PRKACB: variants seen among roughly 807,000 people sequenced by gnomAD.
PRKACB encodes cAMP-dependent protein kinase catalytic subunit beta.
PRKACB carries 16 observed loss-of-function variants against 51.4 expected under a neutral mutation model. The observed-to-expected ratio is 0.31, with a 90% CI of 0.21 to 0.47. The LOEUF is 0.47. Among genes scored for constraint, PRKACB ranks in the 20% least tolerant of loss-of-function variants. PRKACB has a pLI of 1.00. For synonymous variants in PRKACB, 147 were observed against 154.4 expected (o/e 0.95, Z 0.35); for missense variants, 309 against 464.5 (o/e 0.67, Z 3.08).
chr1:84,201,195 T>C (rs993132096), intron 7 of PRKACB, among the ~76,000 whole-genome samples: 1 of 152,126 alleles, frequency 6.6e-6, no homozygotes, highest in Non-Finnish European at 1.5e-5. Context: ...TAGTGCCTAT[T>C]TCATAACACT....
At chr1:84,179,143 C>CAG in intron 1 of PRKACB, 34 bp from the exon 2 acceptor site, 1 of 1,537,564 alleles carries the variant, frequency 6.5e-7, no homozygotes, top group Non-Finnish European at 8.8e-7. Flanking sequence ...AATATTCTTA[C>CAG]AAGATAAATT....
chr1:84,119,107 G>T (rs1391472672), intron 1 of PRKACB, among the ~76,000 whole-genome samples: 1 of 152,194 alleles, frequency 6.6e-6, no homozygotes, highest in Middle Eastern at 3.4e-3. Context: ...TTCTGTGTTT[G>T]TCTCTCTGCC....
intron 1 of PRKACB, among the ~76,000 whole-genome samples, chr1:84,157,172 C>T (rs1655605064): frequency 6.6e-6 from 1 of 152,078 alleles, no homozygotes; most frequent in South Asian, 2.1e-4. Context: ...GATCTATTTA[C>T]CTTCTTTACT....
At chr1:84,118,569 C>T (rs1650813969) in intron 1 of PRKACB, among the ~76,000 whole-genome samples, 2 of 152,056 alleles carry the variant, frequency 1.3e-5, no homozygotes, top group Middle Eastern at 3.4e-3. Context: ...AAATATAAAA[C>T]AGCCATCATT....
chr1:84,102,181 C>G (rs1649397735), intron 1 of PRKACB, among the ~76,000 whole-genome samples: 1 of 150,056 alleles, frequency 6.7e-6, no homozygotes, highest in Non-Finnish European at 1.5e-5. Context: ...CCAGCCTGGC[C>G]AATGTGGTGA....
chr1:84,149,459 C>G (rs1304114269), intron 1 of PRKACB, among the ~76,000 whole-genome samples: 1 of 152,124 alleles, frequency 6.6e-6, no homozygotes, highest in African/African-American at 2.4e-5. Context: ...TGGAGTTTCA[C>G]CATGTTGCCC....
intron 1 of PRKACB, among the ~76,000 whole-genome samples, chr1:84,118,203 C>T (rs527590885): frequency 5.3e-5 from 8 of 152,156 alleles, no homozygotes; most frequent in Admixed American, 1.3e-4. Context: ...CCCACCCAAT[C>T]TTGACCAAGC....
rs1234775485 is a variant in PRKACB at position 84,235,248 on chromosome 1, A to T, written c.1140A>T (p.Glu380Asp). The change falls in exon 10 of 10, where the codon GAA becomes GAT. Residue 380 changes from glutamate to aspartate, a missense_variant. Physicochemically the swap from Glu to Asp is conservative, Grantham distance 45. This residue lies in a region of PRKACB where 96 missense variants were observed against 129.9 expected (regional missense o/e 0.74). Coordinates refer to ENST00000370685, the MANE Select transcript of PRKACB (RefSeq NM_182948.4). Reference protein sequence around the residue: ...GDTSNFDDYEEEDIRVSITEK... With the variant: ...GDTSNFDDYEDEDIRVSITEK... ...CCAGCAACTTTGATGACTATGAAGA[A>T]GAAGATATCCGTGTCTCTATAACAG... is the stretch of plus-strand genomic sequence containing the variant. 1 of 1,614,130 alleles carries T rather than the reference A, an allele frequency of 6.2e-7. No homozygotes were observed. The highest frequency in any genetic ancestry group is 1.1e-5 in the South Asian group (1 of 91,086).
intron 1 of PRKACB, among the ~76,000 whole-genome samples, chr1:84,167,028 A>C (rs987702673): frequency 2.0e-5 from 3 of 151,560 alleles, no homozygotes; most frequent in African/African-American, 7.3e-5. Context: ...GGTCATTTCT[A>C]ACTTGTTTCT....
chr1:84,088,351 G>T (rs144847484), intron 1 of PRKACB, among the ~76,000 whole-genome samples: 1 of 152,114 alleles, frequency 6.6e-6, no homozygotes, highest in African/African-American at 2.4e-5. Flanking sequence ...CTGTTTTCTC[G>T]ATCTGGACTT....
chr1:84,159,937 C>G (rs1655979583), intron 1 of PRKACB, among the ~76,000 whole-genome samples: 1 of 152,086 alleles, frequency 6.6e-6, no homozygotes, highest in Non-Finnish European at 1.5e-5. Context: ...CCCACATGGT[C>G]ATTGTGTATG....
intron 1 of PRKACB, among the ~76,000 whole-genome samples, chr1:84,083,741 A>G (rs1393907669): frequency 6.6e-6 from 1 of 152,106 alleles, no homozygotes; most frequent in African/African-American, 2.4e-5. Flanking sequence ...TTAGTGAATA[A>G]CATTGTGTTA....
upstream of PRKACB, among the ~76,000 whole-genome samples, chr1:84,143,777 AT>A (rs1227311323): frequency 3.3e-5 from 5 of 152,174 alleles, no homozygotes; most frequent in East Asian, 1.9e-4. Flanking sequence ...GAAACATTCA[AT>A]TTTTTAAAGT....
At chr1:84,131,974 G>A (rs1652264743) in intron 1 of PRKACB, among the ~76,000 whole-genome samples, 1 of 152,098 alleles carries the variant, frequency 6.6e-6, no homozygotes, top group South Asian at 2.1e-4. Flanking sequence ...TATACCCAGA[G>A]TATTCTCCAA....
At chr1:84,210,282 T>C (rs529045123) in intron 8 of PRKACB, among the ~76,000 whole-genome samples, 1 of 152,094 alleles carries the variant, frequency 6.6e-6, no homozygotes, top group Non-Finnish European at 1.5e-5. Context: ...AGAAAACACG[T>C]TGGGAAGTGT....
chr1:84,218,006 T>C (rs1673123014), intron 9 of PRKACB, among the ~76,000 whole-genome samples: 1 of 152,170 alleles, frequency 6.6e-6, no homozygotes, highest in Non-Finnish European at 1.5e-5. Flanking sequence ...TTCTGAACTT[T>C]TTAAATTTTT....
At chr1:84,083,302 A>G (rs1412104588) in intron 1 of PRKACB, among the ~76,000 whole-genome samples, 1 of 152,230 alleles carries the variant, frequency 6.6e-6, no homozygotes, top group East Asian at 1.9e-4. Context: ...TGATAAATAC[A>G]TATGATCTCA....
intron 1 of PRKACB, among the ~76,000 whole-genome samples, chr1:84,090,977 AT>A (rs1380277225): frequency 6.6e-6 from 1 of 152,050 alleles, no homozygotes; most frequent in Non-Finnish European, 1.5e-5. Flanking sequence ...TATCTTTTAT[AT>A]GTATAATAAT....
At chr1:84,204,570 C>G (rs1017002733) in intron 8 of PRKACB, 1 of 1,538,814 alleles carries the variant, frequency 6.5e-7, no homozygotes, top group Non-Finnish European at 8.8e-7. Context: ...AGTGTAGACT[C>G]TCAAGAGGAC....
Sources: gnomAD v4.1 joint callset for allele counts (sites outside exome capture counted in the v4.1 genomes callset) on GRCh38, gnomAD v4.1.1 for gene constraint, gnomAD v4.1.1 regional missense constraint, MANE v1.5 for transcripts, NCBI Gene and HGNC (gene_info 2026-07-23, HGNC 2026-07-21) for gene names.